The following AGMO variants were observed in gnomAD, a reference collection of about 807,000 sequenced individuals.
The protein encoded by AGMO is alkylglycerol monooxygenase, also known as glyceryl-ether monooxygenase.
AGMO carries 75 observed loss-of-function variants against 60.2 expected under a neutral mutation model. The observed-to-expected ratio is 1.25, with a 90% CI of 1.03 to 1.51. The LOEUF (loss-of-function observed/expected upper bound fraction) is 1.51. AGMO is among the 40% of genes most tolerant of loss of function. The pLI is 0.00. For synonymous variants in AGMO, 261 were observed against 177.1 expected (o/e 1.47, Z -3.76); for missense variants, 763 against 525.5 (o/e 1.45, Z -4.42).
chr7:15,374,608 A>G (rs1233104196), intron 10 of AGMO, among the ~76,000 whole-genome samples: 2 of 151,838 alleles, frequency 1.3e-5, no homozygotes, highest in Admixed American at 6.6e-5. Context: ...CAATAGCAAT[A>G]TATCTGAAAT....
the AGMO span, among the ~76,000 whole-genome samples, chr7:15,124,414 C>T: frequency 0.036 from 5,401 of 151,986 alleles, 114 homozygotes; most frequent in Non-Finnish European, 0.054. Context: ...TTCCAACAGT[C>T]TATGTTGTGT....
the AGMO span, among the ~76,000 whole-genome samples, chr7:15,151,566 A>T: frequency 8.5e-5 from 13 of 152,258 alleles, no homozygotes; most frequent in Admixed American, 7.2e-4. Flanking sequence ...TTGTTTATGC[A>T]AAAGTAATTC....
intron 12 of AGMO, among the ~76,000 whole-genome samples, chr7:15,277,389 G>A (rs1192289680): frequency 1.3e-5 from 2 of 152,010 alleles, no homozygotes; most frequent in African/African-American, 4.8e-5. Context: ...TTCAGTTAGG[G>A]TCTATTACTA....
chr7:15,261,884 G>C (rs751929520), intron 12 of AGMO, among the ~76,000 whole-genome samples: 2 of 151,766 alleles, frequency 1.3e-5, no homozygotes, highest in African/African-American at 2.4e-5. Flanking sequence ...CACATAAAGA[G>C]AATTAAAAAC....
intron 12 of AGMO, among the ~76,000 whole-genome samples, chr7:15,242,708 A>C (rs1029462239): frequency 1.3e-5 from 2 of 152,158 alleles, no homozygotes; most frequent in Non-Finnish European, 2.9e-5. Context: ...TATTTACATG[A>C]TTACCACTTT....
chr7:15,395,820 TTATC>T (rs779914495), intron 5 of AGMO, among the ~76,000 whole-genome samples: 16 of 152,282 alleles, frequency 1.1e-4, no homozygotes, highest in Middle Eastern at 3.4e-3. Context: ...ACAAAACTCT[TTATC>T]TAGGAGCGTT....
chr7:15,396,958 A>G (rs918705498), intron 5 of AGMO, among the ~76,000 whole-genome samples: 1 of 152,068 alleles, frequency 6.6e-6, no homozygotes, highest in Non-Finnish European at 1.5e-5. Context: ...ACTGAGTGCT[A>G]ATTGGTGCAT....
chr7:15,370,339 T>C (rs1783157580), intron 10 of AGMO, among the ~76,000 whole-genome samples: 1 of 152,202 alleles, frequency 6.6e-6, no homozygotes, highest in South Asian at 2.1e-4. Flanking sequence ...GTCTTTGCTA[T>C]TGTGAATAAT....
At chr7:15,124,757 T>C in the AGMO span, among the ~76,000 whole-genome samples, 5 of 152,050 alleles carry the variant, frequency 3.3e-5, no homozygotes, top group African/African-American at 9.7e-5. Context: ...AATTAACCAC[T>C]TCTCAGGATG....
chr7:15,259,585 C>T (rs1563058354), intron 12 of AGMO, among the ~76,000 whole-genome samples: 2 of 152,002 alleles, frequency 1.3e-5, no homozygotes, highest in South Asian at 2.1e-4. Flanking sequence ...GCTAAAAGAT[C>T]ATCGCCTAGG....
Position 15,344,570 on chromosome 7 carries a change from C to T in AGMO, c.1263+20944G>A, listed in dbSNP as rs545493320. Among the ~76,000 whole-genome samples the T allele has an allele frequency of 3.3e-5, 5 of 151,878 alleles. No homozygotes were observed. The East Asian group carries it at 5.8e-4, about 18-fold the overall frequency. On this transcript the variant is annotated intron_variant, in intron 12 of 12. Transcript: ENST00000342526. ...AAAATTAGCCAGGCATCCTGGTGCACGCCTGTGGTCCCAGCCACTCAGGAG... is the reference window on the plus strand; with the variant it reads ...AAAATTAGCCAGGCATCCTGGTGCATGCCTGTGGTCCCAGCCACTCAGGAG...
intron 12 of AGMO, among the ~76,000 whole-genome samples, chr7:15,330,507 A>G (rs949769394): frequency 5.9e-5 from 9 of 152,200 alleles, no homozygotes; most frequent in African/African-American, 2.2e-4. Context: ...GTATGTCATC[A>G]TTTTTGGATT....
chr7:15,358,677 GATAACTCAAATTCATGTATTCTCTGACA>G (rs1782637002), intron 12 of AGMO, among the ~76,000 whole-genome samples: 2 of 152,088 alleles, frequency 1.3e-5, no homozygotes, highest in African/African-American at 4.8e-5. Context: ...CCCACTCCTA[GATAACTCAAATTCATGTATTCTCTGACA>G]TTAACAGCAA....
intron 6 of AGMO, 94 bp downstream of exon 6, chr7:15,394,019 A>G (rs1209061904): frequency 4.6e-6 from 4 of 876,760 alleles, no homozygotes; most frequent in African/African-American, 1.7e-5. Context: ...TGTGCTGACT[A>G]TATTGGGAAA....
Position 15,297,459 on chromosome 7 carries a change from C to T in AGMO, c.1263+68055G>A, listed in dbSNP as rs1403044018. Among the ~76,000 whole-genome samples the T allele has an allele frequency of 3.3e-5, 5 of 152,090 alleles. No individual in the cohort carries two copies. The East Asian group carries it at 7.7e-4, about 23-fold the overall frequency. On this transcript the variant is annotated intron_variant, in intron 12 of 12. Transcript: ENST00000342526. ...ACTGTACACTGTGGTAAATTTTCAG[C>T]ATCTAATGACTCATGAGTGCTTGCC...
rs560545573 is a variant in AGMO at position 15,305,631 on chromosome 7, T to C, written c.1263+59883A>G. ...AATTACATTCCTATATATATATTTATATGATTTGGCTGTATATCTGATCTA... is the reference window on the plus strand; with the variant it reads ...AATTACATTCCTATATATATATTTACATGATTTGGCTGTATATCTGATCTA... On this transcript the variant is annotated intron_variant, in intron 12 of 12. Coordinates refer to ENST00000342526, the MANE Select transcript of AGMO (RefSeq NM_001004320.2). Among the ~76,000 whole-genome samples the C allele has an allele frequency of 5.9e-5, 9 of 152,164 alleles. No individual in the cohort carries two copies. The South Asian group carries it at 1.7e-3, about 28-fold the overall frequency.
At chr7:15,353,918 TTC>T (rs1782352186) in intron 12 of AGMO, among the ~76,000 whole-genome samples, 1 of 152,162 alleles carries the variant, frequency 6.6e-6, no homozygotes, top group South Asian at 2.1e-4. Context: ...TCATGTATTA[TTC>T]TCTTAGGTGT....
At chr7:15,143,948 T>C in the AGMO span, among the ~76,000 whole-genome samples, 1 of 152,188 alleles carries the variant, frequency 6.6e-6, no homozygotes, top group Non-Finnish European at 1.5e-5. Flanking sequence ...GTAGCATGCA[T>C]TGTAAATTAT....
At chr7:15,373,600 T>C (rs1010071918) in intron 10 of AGMO, among the ~76,000 whole-genome samples, 1 of 152,108 alleles carries the variant, frequency 6.6e-6, no homozygotes, top group Non-Finnish European at 1.5e-5. Flanking sequence ...TAGGGGTCAA[T>C]ACAACCTCCT....
Sources: gnomAD v4.1 joint callset for allele counts (sites outside exome capture counted in the v4.1 genomes callset) on GRCh38, gnomAD v4.1.1 for gene constraint, MANE v1.5 for transcripts, NCBI Gene and HGNC (gene_info 2026-07-23, HGNC 2026-07-21) for gene names.